Variants in TMCO4 observed in about 807,000 individuals in gnomAD.
The protein encoded by TMCO4 is transmembrane and coiled-coil domain-containing protein 4.
A neutral mutation model predicts 64.7 loss-of-function variants in TMCO4; 58 were observed. That is an observed-to-expected ratio of 0.90 (90% CI 0.73 to 1.12). The LOEUF (loss-of-function observed/expected upper bound fraction) is 1.12, where lower values mean the gene tolerates loss of function less well. Among genes scored for constraint, TMCO4 ranks in the 50% most tolerant of loss-of-function variants. The pLI, the probability that TMCO4 is intolerant of heterozygous loss-of-function variation, is 0.00. For synonymous variants in TMCO4, 325 were observed against 346.1 expected (o/e 0.94, Z 0.68); for missense variants, 780 against 825.9 (o/e 0.94, Z 0.68).
intron 7 of TMCO4, among the ~76,000 whole-genome samples, chr1:19,753,817 C>T (rs1473689): frequency 0.24 from 36,816 of 151,984 alleles, 4,685 homozygotes; most frequent in East Asian, 0.44. Context: ...GTCCCTAACG[C>T]TGCATAAACA....
intron 13 of TMCO4, among the ~76,000 whole-genome samples, chr1:19,722,974 A>G (rs759086345): frequency 6.6e-6 from 1 of 152,118 alleles, no homozygotes; most frequent in Non-Finnish European, 1.5e-5. Flanking sequence ...GTCAAGCGTG[A>G]GGACACTGAT....
intron 6 of TMCO4, among the ~76,000 whole-genome samples, chr1:19,758,826 G>A (rs1411803453): frequency 6.6e-6 from 1 of 152,140 alleles, no homozygotes; most frequent in African/African-American, 2.4e-5. Context: ...CAGGCGTGGT[G>A]GCTCATGCCT....
intron 15 of TMCO4, among the ~76,000 whole-genome samples, chr1:19,691,850 G>A (rs2095197428): frequency 6.6e-6 from 1 of 152,186 alleles, no homozygotes; most frequent in South Asian, 2.1e-4. Context: ...TTGAATCATA[G>A]GGGTGGTTTC....
At chr1:19,689,965 T>C (rs2095179228) in intron 15 of TMCO4, among the ~76,000 whole-genome samples, 1 of 152,190 alleles carries the variant, frequency 6.6e-6, no homozygotes, top group Admixed American at 6.5e-5. Flanking sequence ...GCTGAAAGAC[T>C]GGACTGCTGG....
At chr1:19,712,252 A>G (rs927720825) in intron 13 of TMCO4, among the ~76,000 whole-genome samples, 2 of 152,208 alleles carry the variant, frequency 1.3e-5, no homozygotes, top group Non-Finnish European at 2.9e-5. Flanking sequence ...TTATATGGAC[A>G]ATGTTTGTGG....
intron 6 of TMCO4, among the ~76,000 whole-genome samples, chr1:19,759,968 C>T (rs576845015): frequency 6.6e-6 from 1 of 152,232 alleles, no homozygotes; most frequent in East Asian, 1.9e-4. Flanking sequence ...TGTGCTGTGG[C>T]CACCTGCCCC....
Position 19,708,582 on chromosome 1 carries a change from C to T in TMCO4, c.1265-7697G>A, listed in dbSNP as rs79277581. Reference sequence around the variant, plus strand: ...CAAAGGGCCCCACAGAGAACACTTTCGGACAGTGTGGGGCCTTTGCCAGCG... The same window carrying T: ...CAAAGGGCCCCACAGAGAACACTTTTGGACAGTGTGGGGCCTTTGCCAGCG... On this transcript the variant is annotated intron_variant, in intron 13 of 15. Transcript: ENST00000294543. Among the ~76,000 whole-genome samples the T allele has an allele frequency of 7.0e-3, 1,072 of 152,248 alleles. 16 individuals are homozygous for T. Among genetic ancestry groups the T allele is most frequent in the African/African-American group, 0.025 (1,034 of 41,534 alleles).
intron 3 of TMCO4, among the ~76,000 whole-genome samples, chr1:19,781,488 A>C (rs2043474466): frequency 6.6e-6 from 1 of 151,538 alleles, no homozygotes; most frequent in African/African-American, 2.4e-5. Context: ...CCCAATAGCC[A>C]ATAAGTATGA....
intron 13 of TMCO4, among the ~76,000 whole-genome samples, chr1:19,713,707 T>TATC (rs1476069098): frequency 1.3e-5 from 2 of 151,526 alleles, no homozygotes. Flanking sequence ...TCTAAAAATA[T>TATC]ATCAACAACA....
intron 15 of TMCO4, among the ~76,000 whole-genome samples, chr1:19,694,007 T>C (rs958319233): frequency 3.3e-5 from 5 of 152,038 alleles, no homozygotes; most frequent in African/African-American, 1.2e-4. Context: ...TCTATGTGTG[T>C]TTTTGCTTTT....
intron 15 of TMCO4, among the ~76,000 whole-genome samples, chr1:19,687,898 G>C (rs1445177418): frequency 1.3e-5 from 2 of 152,176 alleles, no homozygotes; most frequent in Admixed American, 1.3e-4. Flanking sequence ...TAGTCCCTGA[G>C]CCACCCCTCT....
At chr1:19,764,808 T>C (rs1002811789) in intron 6 of TMCO4, among the ~76,000 whole-genome samples, 2 of 136,332 alleles carry the variant, frequency 1.5e-5, no homozygotes, top group African/African-American at 5.7e-5. Flanking sequence ...TGAGCCAAGA[T>C]TGCGCCATTG....
intron 12 of TMCO4, among the ~76,000 whole-genome samples, chr1:19,739,528 C>T (rs770297046): frequency 6.6e-6 from 1 of 152,200 alleles, no homozygotes; most frequent in Non-Finnish European, 1.5e-5. Context: ...AGAGCTGATA[C>T]ATAGGAGCCA....
intron 6 of TMCO4, among the ~76,000 whole-genome samples, chr1:19,765,778 CAA>C (rs2042711612): frequency 6.6e-6 from 1 of 152,034 alleles, no homozygotes; most frequent in South Asian, 2.1e-4. Flanking sequence ...ACTAACATCC[CAA>C]AACTCTCAGT....
Position 19,781,646 on chromosome 1 carries a change from T to C in TMCO4, c.-8-880A>G, listed in dbSNP as rs954674428. 3.6e-4 allele frequency among the ~76,000 whole-genome samples: 54 copies of C among 150,520 alleles called. 1 individual carries two copies. The East Asian group carries it at 8.5e-3, about 24-fold the overall frequency. ...TGAAGAGCAAACAGAACTTTCTTTT[T>C]TTTTTTTTTTTTTCTTTTGAGATGG... On this transcript the variant is annotated intron_variant, in intron 3 of 15. Transcript: ENST00000294543.
intron 15 of TMCO4, among the ~76,000 whole-genome samples, chr1:19,691,549 G>A (rs2095194940): frequency 6.6e-6 from 1 of 152,200 alleles, no homozygotes; most frequent in African/African-American, 2.4e-5. Context: ...GAGCCACACT[G>A]TGGTGGCACG....
chr1:19,730,709 C>T (rs1247111891), intron 13 of TMCO4, among the ~76,000 whole-genome samples: 4 of 152,184 alleles, frequency 2.6e-5, no homozygotes, highest in Non-Finnish European at 5.9e-5. Flanking sequence ...GGAGTGGAAG[C>T]TGTGAAGACA....
intron 6 of TMCO4, among the ~76,000 whole-genome samples, chr1:19,759,596 C>T (rs927119764): frequency 1.3e-4 from 20 of 152,230 alleles, no homozygotes; most frequent in African/African-American, 4.8e-4. Context: ...CTCACGGCTG[C>T]CTCGGGGCCT....
chr1:19,725,181 G>A (rs2095403481), intron 13 of TMCO4, among the ~76,000 whole-genome samples: 1 of 152,160 alleles, frequency 6.6e-6, no homozygotes, highest in South Asian at 2.1e-4. Context: ...TGGACCCTAG[G>A]GCCCAGAGTG....
Sources: gnomAD v4.1 joint callset for allele counts (sites outside exome capture counted in the v4.1 genomes callset) on GRCh38, gnomAD v4.1.1 for gene constraint, MANE v1.5 for transcripts, NCBI Gene and HGNC (gene_info 2026-07-23, HGNC 2026-07-21) for gene names.